The following DNMBP variants were observed in gnomAD, a reference collection of about 807,000 sequenced individuals.
DNMBP encodes dynamin-binding protein.
DNMBP carries 87 observed loss-of-function variants against 150.0 expected under a neutral mutation model. The observed-to-expected ratio is 0.58, with a 90% confidence interval of 0.49 to 0.69. The LOEUF (loss-of-function observed/expected upper bound fraction) is 0.69, where lower values mean the gene tolerates loss of function less well. DNMBP is among the 30% of genes least tolerant of loss of function. DNMBP has a pLI of 0.00. For missense variants in DNMBP, 1,774 were observed against 1,949.0 expected, an observed-to-expected ratio of 0.91 and a Z score of 1.69; for synonymous variants, 711 against 750.4, an observed-to-expected ratio of 0.95 and a Z score of 0.86.
intron 11 of DNMBP, among the ~76,000 whole-genome samples, chr10:99,892,279 G>A (rs1379444686): frequency 3.4e-5 from 5 of 148,348 alleles, no homozygotes; most frequent in East Asian, 2.0e-4. Context: ...CATTGAGAAC[G>A]GGCCAGGATG....
chr10:99,897,250 TGAA>T (rs1383030814), intron 9 of DNMBP, among the ~76,000 whole-genome samples: 7 of 151,912 alleles, frequency 4.6e-5, no homozygotes, highest in Non-Finnish European at 8.8e-5. Flanking sequence ...TTCAGTGTTA[TGAA>T]GAAGGAGTGG....
At chr10:99,983,605 G>A (rs1041584290) in intron 1 of DNMBP, among the ~76,000 whole-genome samples, 8 of 152,200 alleles carry the variant, frequency 5.3e-5, no homozygotes, top group Non-Finnish European at 1.5e-5. Context: ...GCACGGCCTG[G>A]GCCATCTGCT....
intron 1 of DNMBP, among the ~76,000 whole-genome samples, chr10:99,988,192 C>A (rs966366314): frequency 1.3e-5 from 2 of 152,198 alleles, no homozygotes; most frequent in African/African-American, 4.8e-5. Flanking sequence ...GTTAAATCAA[C>A]CTTGCATTCC....
intron 4 of DNMBP, among the ~76,000 whole-genome samples, chr10:99,946,389 G>C (rs993208611): frequency 6.6e-6 from 1 of 152,188 alleles, no homozygotes; most frequent in Non-Finnish European, 1.5e-5. Flanking sequence ...CTAATGCTCT[G>C]TGTATTTAAA....
rs556644772 is a variant in DNMBP at position 99,936,901 on chromosome 10, T to G, written c.2260+18313A>C. Among the ~76,000 whole-genome samples the G allele has an allele frequency of 5.9e-5, 9 of 151,694 alleles. No homozygotes were observed. In the East Asian group the frequency reaches 1.4e-3, roughly 23 times the overall value. On this transcript the variant is annotated intron_variant, in intron 4 of 16. Coordinates refer to ENST00000324109, the MANE Select transcript of DNMBP (RefSeq NM_015221.4). Reference sequence around the variant, plus strand: ...AAACTCTAGATTGTCAAACCTTCTTTTATTTCTTATTCTTTGAGACAGAGT... The same window carrying G: ...AAACTCTAGATTGTCAAACCTTCTTGTATTTCTTATTCTTTGAGACAGAGT...
rs1434023940 is a variant in DNMBP, at chr10:99,877,083, G to A, written c.*68C>T. On this transcript the variant is annotated 3_prime_UTR_variant, in exon 17 of 17. Coordinates refer to ENST00000324109, the MANE Select transcript of DNMBP (RefSeq NM_015221.4). ...TGTCTCAGGAGCAGGCGCCCTCTCG[G>A]TGGGCCGCCAGAACCCTCGGCGGAC... 8.2e-6 allele frequency: 12 copies of A among 1,464,580 alleles called. No homozygotes were observed. Among genetic ancestry groups the A allele is most frequent in the South Asian group, 1.3e-5 (1 of 75,878 alleles). 90.7% of individuals were successfully genotyped at this position (1,464,580 alleles called of 1,614,324 possible). A position where few individuals can be genotyped will look rare whatever the true frequency, so the allele number is the denominator to read the frequency against.
rs1170276765 is a variant in DNMBP at position 99,885,707 on chromosome 10, G to A, written c.3778C>T (p.Arg1260Ter). Residue 1260 changes from arginine to a stop codon, truncating the protein, a stop_gained, in exon 14 of 17, where the codon CGA (arginine) becomes TGA (stop). Coordinates refer to ENST00000324109, the MANE Select transcript of DNMBP (RefSeq NM_015221.4). LOFTEE classifies it high-confidence loss of function. ...CTCACCAGGCCCAGGAGTGGCTTTC[G>A]AGCAGACTGGCGGTCAATGGTTTTC... is the stretch of plus-strand genomic sequence containing the variant. The part of the protein sequence containing the change: ...ERKTIDRQSA[R>*]KPLLGLPSYM... 1.0e-5 allele frequency: 16 copies of A among 1,575,140 alleles called. No homozygotes were observed. The highest frequency in any genetic ancestry group is 1.3e-5 in the Non-Finnish European group (15 of 1,158,286).
In DNMBP at chr10:99,895,011, G is replaced by C; in HGVS notation, c.3091C>G (p.Arg1031Gly). ...GACTTAATCAATCTTTCTTGCATTC[G>C]GAAGTTTTTTTCTGTTTCTTCAAAT... ...EVFEETEKNF[R>G]MQERLIKSFI... Residue 1031 changes from arginine (R) to glycine (G), a missense_variant, in exon 11 of 17, where the codon CGA becomes GGA. This residue lies in a region of DNMBP where 1,430 missense variants were observed against 1,492.5 expected (regional missense o/e 0.96). Transcript: ENST00000324109. 2 of 1,613,548 alleles carry C rather than the reference G, an allele frequency of 1.2e-6. No individual in the cohort carries two copies. The highest frequency in any genetic ancestry group is 1.7e-6 in the Non-Finnish European group (2 of 1,179,744).
chr10:99,897,784 A>G (rs2039676682), intron 9 of DNMBP, among the ~76,000 whole-genome samples: 1 of 152,142 alleles, frequency 6.6e-6, no homozygotes, highest in East Asian at 1.9e-4. Flanking sequence ...ATGGTGCCAC[A>G]TGCCTGTAAT....
chr10:99,939,987 C>T (rs1367807553), intron 4 of DNMBP, among the ~76,000 whole-genome samples: 1 of 152,170 alleles, frequency 6.6e-6, no homozygotes, highest in African/African-American at 2.4e-5. Flanking sequence ...CACTAAACTG[C>T]CCTGGAAAAA....
intron 1 of DNMBP, among the ~76,000 whole-genome samples, chr10:100,002,182 A>G (rs2041021073): frequency 6.6e-6 from 1 of 152,220 alleles, no homozygotes; most frequent in Non-Finnish European, 1.5e-5. Context: ...AATAAAAAAC[A>G]GAGACAGAGA....
chr10:99,979,693 C>G (rs2040763552), intron 1 of DNMBP, among the ~76,000 whole-genome samples: 1 of 152,182 alleles, frequency 6.6e-6, no homozygotes. Flanking sequence ...TTAAAATTAG[C>G]ATATTAAAGA....
intron 3 of DNMBP, among the ~76,000 whole-genome samples, chr10:99,964,889 T>A (rs557835955): frequency 0.12 from 16,224 of 140,116 alleles, 1,212 homozygotes; most frequent in Non-Finnish European, 0.17. Context: ...AAAAAAAATA[T>A]ATATATATAT....
intron 6 of DNMBP, among the ~76,000 whole-genome samples, chr10:99,901,353 T>G (rs954479189): frequency 2.6e-5 from 4 of 152,210 alleles, no homozygotes; most frequent in Admixed American, 2.0e-4. Flanking sequence ...TGAGGGTTAC[T>G]GAAATTTCAA....
At chr10:100,005,607 T>C (rs2041059661) in intron 1 of DNMBP, among the ~76,000 whole-genome samples, 2 of 151,492 alleles carry the variant, frequency 1.3e-5, no homozygotes, top group Admixed American at 6.6e-5. Flanking sequence ...ACAAAAAAAT[T>C]AGCTGGGCGT....
At chr10:99,883,460 T>TG (rs2039400491) in intron 15 of DNMBP, among the ~76,000 whole-genome samples, 1 of 151,766 alleles carries the variant, frequency 6.6e-6, no homozygotes, top group Admixed American at 6.6e-5. Context: ...GCCTAGAAGT[T>TG]GGAGACCAGC....
At chr10:99,896,466 T>C in intron 9 of DNMBP, 69 bp from the exon 10 acceptor site, 2 of 1,506,374 alleles carry the variant, frequency 1.3e-6, no homozygotes, top group Non-Finnish European at 1.8e-6. Flanking sequence ...TAAAATGAGA[T>C]GAACACCCAA....
At chr10:99,995,714 T>C (rs7068075) in intron 1 of DNMBP, among the ~76,000 whole-genome samples, 71,200 of 152,130 alleles carry the variant, frequency 0.47, 17,676 homozygotes, top group African/African-American at 0.64. Context: ...TAAAAGTGAA[T>C]ACACAGAGAG....
intron 4 of DNMBP, chr10:99,930,806 T>C (rs1221484637): frequency 4.8e-6 from 3 of 619,950 alleles, no homozygotes; most frequent in Admixed American, 2.8e-5. Context: ...TTCTTTTCCA[T>C]GGGCCTGGGC....
Sources: allele counts gnomAD v4.1 joint callset (sites outside exome capture counted in the v4.1 genomes callset), GRCh38; gene constraint gnomAD v4.1.1; regional missense constraint gnomAD v4.1.1; transcripts MANE v1.5; gene names NCBI Gene and HGNC (gene_info 2026-07-23, HGNC 2026-07-21).